The following KIRREL3 variants were observed in gnomAD, a reference collection of about 807,000 sequenced individuals.
KIRREL3 encodes kin of IRRE-like protein 3.
A neutral mutation model predicts 89.7 loss-of-function variants in KIRREL3; 36 were observed. The observed-to-expected ratio is 0.40, with a 90% CI of 0.31 to 0.53. The LOEUF is 0.53. Ranked by LOEUF, KIRREL3 falls within the 20% of genes least tolerant of loss-of-function variation. KIRREL3 has a pLI of 0.49. For synonymous variants in KIRREL3, 445 were observed against 441.4 expected (o/e 1.01, Z -0.10); for missense variants, 864 against 1,056.6 (o/e 0.82, Z 2.53).
intron 1 of KIRREL3, among the ~76,000 whole-genome samples, chr11:126,711,476 C>G (rs1384806580): frequency 1.3e-5 from 2 of 152,156 alleles, no homozygotes; most frequent in Admixed American, 6.5e-5. Flanking sequence ...GCATGAGAAT[C>G]ACTTGAACCC....
chr11:126,534,901 G>A (rs980928438), intron 2 of KIRREL3, among the ~76,000 whole-genome samples: 3 of 152,182 alleles, frequency 2.0e-5, no homozygotes, highest in South Asian at 2.1e-4. Context: ...TAAAGGGGAG[G>A]GGGGCTTGGA....
rs1358823755 is a variant in KIRREL3, at chr11:126,463,459, G to A, written c.592-152C>T. Reference sequence around the variant, plus strand: ...GGAGACCTGGGCTGCCCATGTCTACGCAGAGCTCGGGGGTTACCCCCTGGC... The same window carrying A: ...GGAGACCTGGGCTGCCCATGTCTACACAGAGCTCGGGGGTTACCCCCTGGC... On this transcript the variant is annotated intron_variant, in intron 5 of 16. Coordinates refer to ENST00000525144, the MANE Select transcript of KIRREL3 (RefSeq NM_032531.4). The surrounding 1 kb of genome is among the most constrained non-coding windows in gnomAD (Gnocchi z 5.9). 2.6e-5 allele frequency among the ~76,000 whole-genome samples: 4 copies of A among 152,208 alleles called. No homozygotes were observed. Among genetic ancestry groups the A allele is most frequent in the African/African-American group, 4.8e-5 (2 of 41,452 alleles).
At position 126,531,879 on chromosome 11, in the gene KIRREL3, C is replaced by T. The variant is rs1565528779; in HGVS notation, c.134-5192G>A. ...CACGTCTGTCACATGTGCCTTTGTA[C>T]TTAGAGTTTGCCTGCTCTGGTTGGT... On this transcript the variant is annotated intron_variant, in intron 2 of 16. Coordinates refer to ENST00000525144, the MANE Select transcript of KIRREL3 (RefSeq NM_032531.4). This position sits in a 1 kb window ranked among gnomAD's most constrained non-coding sequence, Gnocchi z 4.7. Among the ~76,000 whole-genome samples, 1 of 152,148 alleles carries T rather than the reference C, an allele frequency of 6.6e-6. No individual in the cohort carries two copies. The highest frequency in any genetic ancestry group is 1.5e-5 in the Non-Finnish European group (1 of 68,024).
In KIRREL3 at chr11:126,796,306, T is replaced by G. The variant is rs9326286; in HGVS notation, c.55+204149A>C. Among the ~76,000 whole-genome samples, 46,181 of 152,026 alleles carry G rather than the reference T, an allele frequency of 0.3. 7,674 individuals are homozygous for G. The highest frequency in any genetic ancestry group is 0.39 in the Non-Finnish European group (26,253 of 67,940). On this transcript the variant is annotated intron_variant, in intron 1 of 16. Transcript: ENST00000525144. This position sits in a 1 kb window ranked among gnomAD's most constrained non-coding sequence, Gnocchi z 5.1. ...AGAGAGGGGCTCGATCCATGTGAGT[T>G]CCCTGGCTTGCTGATCCCAGACTGG...
At position 126,684,649 on chromosome 11, in the gene KIRREL3, G is replaced by C. The variant is rs1164358932; in HGVS notation, c.56-121737C>G. On this transcript the variant is annotated intron_variant, in intron 1 of 16. Coordinates refer to ENST00000525144, the MANE Select transcript of KIRREL3 (RefSeq NM_032531.4). The surrounding 1 kb of genome is among the most constrained non-coding windows in gnomAD (Gnocchi z 4.2). ...GAATTAAATTCATTTCTTTGGGCCA[G>C]TCTCCTTTGTCTGCACTTGCTGAGA... Among the ~76,000 whole-genome samples the C allele has an allele frequency of 6.6e-6, 1 of 152,256 alleles. No individual in the cohort carries two copies. The highest frequency in any genetic ancestry group is 1.5e-5 in the Non-Finnish European group (1 of 68,046).
In KIRREL3 at chr11:126,755,975, T is replaced by C. The variant is rs1241369621; in HGVS notation, c.56-193063A>G. Reference sequence around the variant, plus strand: ...CAATCACATCTAGGTGTTATCTTGATATAAGAACAGGTATCATTAATTGAC... The same window carrying C: ...CAATCACATCTAGGTGTTATCTTGACATAAGAACAGGTATCATTAATTGAC... On this transcript the variant is annotated intron_variant, in intron 1 of 16. Transcript: ENST00000525144. The surrounding 1 kb of genome is among the most constrained non-coding windows in gnomAD (Gnocchi z 4.3). 2.6e-5 allele frequency among the ~76,000 whole-genome samples: 4 copies of C among 152,222 alleles called. No homozygotes were observed. Among genetic ancestry groups the C allele is most frequent in the African/African-American group, 9.6e-5 (4 of 41,452 alleles).
Position 126,777,183 on chromosome 11 carries a change from C to T in KIRREL3, c.56-214271G>A, listed in dbSNP as rs143593244. 5.4e-3 allele frequency among the ~76,000 whole-genome samples: 820 copies of T among 152,156 alleles called. 8 individuals carry two copies. The highest frequency in any genetic ancestry group is 0.018 in the African/African-American group (764 of 41,518). ...TGGGGATTTTTTTGATTATCATGAC[C>T]GAGGGATGCTATTGAATGCAGCAAG... On this transcript the variant is annotated intron_variant, in intron 1 of 16. Transcript: ENST00000525144.
intron 1 of KIRREL3, among the ~76,000 whole-genome samples, chr11:126,804,307 T>C (rs771534911): frequency 6.6e-6 from 1 of 152,216 alleles, no homozygotes; most frequent in Non-Finnish European, 1.5e-5. Flanking sequence ...AGTCTGAAGA[T>C]GACCTTTTCC....
rs542601763 is a variant in KIRREL3 at position 126,425,602 on chromosome 11, C to T, written c.1893+36G>A. 8 of 1,507,140 alleles carry T rather than the reference C, an allele frequency of 5.3e-6. No homozygotes were observed. In the East Asian group the frequency reaches 7.2e-5, roughly 14 times the overall value. The allele number at this position is 1,507,140 out of a possible 1,614,324, so 93.4% of individuals were successfully genotyped here. ...GGCCATCAGAGCTAAAGACCAGATT[C>T]CATGGCTGTGTCTTATAACCCGGGG... On this transcript the variant is annotated intron_variant, in intron 16 of 16. Coordinates refer to ENST00000525144, the MANE Select transcript of KIRREL3 (RefSeq NM_032531.4).
chr11:126,903,016 T>C lies in KIRREL3; in HGVS notation c.55+97439A>G, dbSNP rs1248141042. Among the ~76,000 whole-genome samples, 1 of 152,218 alleles carries C rather than the reference T, an allele frequency of 6.6e-6. No homozygotes were observed. Among genetic ancestry groups the C allele is most frequent in the African/African-American group, 2.4e-5 (1 of 41,450 alleles). On this transcript the variant is annotated intron_variant, in intron 1 of 16. Transcript: ENST00000525144. The surrounding 1 kb of genome is among the most constrained non-coding windows in gnomAD (Gnocchi z 4.5). ...AAAAAAAAGGAAGCCCAGCGTCCTA[T>C]GACCTTGTGAAAGAAGCAAAAAATA... is the stretch of plus-strand genomic sequence containing the variant.
intron 1 of KIRREL3, among the ~76,000 whole-genome samples, chr11:126,785,635 C>T (rs1223076311): frequency 2.0e-5 from 3 of 152,030 alleles, no homozygotes; most frequent in Admixed American, 1.3e-4. Context: ...CCCAGCACTT[C>T]GGGAGGCTGA....
rs768404199 is a variant in KIRREL3, at chr11:126,620,345, A to G, written c.56-57433T>C. On this transcript the variant is annotated intron_variant, in intron 1 of 16. Transcript: ENST00000525144. This position sits in a 1 kb window ranked among gnomAD's most constrained non-coding sequence, Gnocchi z 4.8. The stretch of plus-strand genomic sequence containing the variant: ...CTTGCTTGTCCATGTCCTTATTAAC[A>G]TGTGGCATCCAGTACCAAACACTCT... Among the ~76,000 whole-genome samples, 2 of 152,134 alleles carry G rather than the reference A, an allele frequency of 1.3e-5. No individual in the cohort carries two copies. The highest frequency in any genetic ancestry group is 2.4e-5 in the African/African-American group (1 of 41,426).
At position 126,656,638 on chromosome 11, in the gene KIRREL3, T is replaced by C. The variant is rs1408961584; in HGVS notation, c.56-93726A>G. Among the ~76,000 whole-genome samples, 3 of 152,220 alleles carry C rather than the reference T, an allele frequency of 2.0e-5. No individual in the cohort carries two copies. Among genetic ancestry groups the C allele is most frequent in the Admixed American group, 6.5e-5 (1 of 15,280 alleles). ...TCTTCATGCTTTTACCACCTTATAC[T>C]GAGTAAGAAGATGAATTTGCACAGA... On this transcript the variant is annotated intron_variant, in intron 1 of 16. Transcript: ENST00000525144. This position sits in a 1 kb window ranked among gnomAD's most constrained non-coding sequence, Gnocchi z 4.0.
intron 13 of KIRREL3, among the ~76,000 whole-genome samples, chr11:126,433,909 G>A (rs61901298): frequency 1.1e-3 from 165 of 152,346 alleles, no homozygotes; most frequent in Non-Finnish European, 2.1e-3. Flanking sequence ...GGAGAGCTGG[G>A]CAGCAGCATT....
intron 1 of KIRREL3, among the ~76,000 whole-genome samples, chr11:126,702,420 C>T (rs1424010027): frequency 6.6e-6 from 1 of 151,536 alleles, no homozygotes; most frequent in East Asian, 1.9e-4. Flanking sequence ...TCGAGGTGGG[C>T]ATTAGCCACA....
intron 1 of KIRREL3, among the ~76,000 whole-genome samples, chr11:126,810,016 A>T (rs1426534994): frequency 6.6e-6 from 1 of 151,990 alleles, no homozygotes; most frequent in East Asian, 1.9e-4. Context: ...CTCGAAATAG[A>T]TGTCTCTCAT....
rs1309953657 is a variant in KIRREL3 at position 126,578,354 on chromosome 11, A to G, written c.56-15442T>C. 6.6e-6 allele frequency among the ~76,000 whole-genome samples: 1 copy of G among 152,216 alleles called. No individual in the cohort carries two copies. The highest frequency in any genetic ancestry group is 1.5e-5 in the Non-Finnish European group (1 of 68,038). On this transcript the variant is annotated intron_variant, in intron 1 of 16. Coordinates refer to ENST00000525144, the MANE Select transcript of KIRREL3 (RefSeq NM_032531.4). This position sits in a 1 kb window ranked among gnomAD's most constrained non-coding sequence, Gnocchi z 4.9. ...GTATCTCACAAAGAAAGAGGAGGGC[A>G]AAATGGGAATTCATTGGAAGAGATC...
intron 1 of KIRREL3, among the ~76,000 whole-genome samples, chr11:126,961,496 C>G (rs1396195287): frequency 6.6e-6 from 1 of 152,172 alleles, no homozygotes; most frequent in Non-Finnish European, 1.5e-5. Flanking sequence ...CCCTAACTGT[C>G]TTAAATTATA....
intron 1 of KIRREL3, among the ~76,000 whole-genome samples, chr11:126,587,000 C>T (rs967788771): frequency 6.6e-6 from 1 of 152,144 alleles, no homozygotes; most frequent in Admixed American, 6.5e-5. Flanking sequence ...TATGGCTAAG[C>T]ATGGGGGCAC....
Sources: gnomAD v4.1 joint callset for allele counts (sites outside exome capture counted in the v4.1 genomes callset) on GRCh38, gnomAD v4.1.1 for gene constraint, Gnocchi (gnomAD v3.1) non-coding constraint, MANE v1.5 for transcripts, NCBI Gene and HGNC (gene_info 2026-07-23, HGNC 2026-07-21) for gene names.